Variants in OSBPL2 observed in about 807,000 individuals in gnomAD.
OSBPL2 encodes the protein oxysterol-binding protein-related protein 2.
OSBPL2 carries 18 observed loss-of-function variants against 58.4 expected under a neutral mutation model. That is an observed-to-expected ratio of 0.31 (90% CI 0.21 to 0.46). OSBPL2 has a LOEUF of 0.46. Among genes scored for constraint, OSBPL2 ranks in the 20% least tolerant of loss-of-function variants. The pLI is 1.00. For synonymous variants in OSBPL2, 221 were observed against 234.1 expected (o/e 0.94, Z 0.51); for missense variants, 461 against 616.5 (o/e 0.75, Z 2.67).
At chr20:62,282,334 G>T (rs1365570650) in intron 9 of OSBPL2, among the ~76,000 whole-genome samples, 1 of 152,168 alleles carries the variant, frequency 6.6e-6, no homozygotes, top group Non-Finnish European at 1.5e-5. Flanking sequence ...TTAAATCAGG[G>T]ACTTTCGCAA....
intron 1 of OSBPL2, among the ~76,000 whole-genome samples, chr20:62,248,938 A>G (rs974202935): frequency 2.0e-5 from 3 of 152,094 alleles, no homozygotes; most frequent in Non-Finnish European, 2.9e-5. Context: ...GGCTCAAGCC[A>G]TCTGCCACCT....
At chr20:62,241,535 T>C (rs118180886) in intron 1 of OSBPL2, among the ~76,000 whole-genome samples, 7,178 of 152,378 alleles carry the variant, frequency 0.047, 310 homozygotes, top group South Asian at 0.16. Context: ...AATGTCCCCA[T>C]GCAAGCCATG....
chr20:62,275,000 A>G (rs1008483615), intron 6 of OSBPL2, among the ~76,000 whole-genome samples: 1 of 152,198 alleles, frequency 6.6e-6, no homozygotes, highest in African/African-American at 2.4e-5. Flanking sequence ...AGTGCTCTTT[A>G]TAGAAAATGT....
intron 12 of OSBPL2, among the ~76,000 whole-genome samples, chr20:62,289,820 G>A (rs1983372991): frequency 1.3e-5 from 2 of 152,004 alleles, no homozygotes; most frequent in South Asian, 2.1e-4. Flanking sequence ...CATGAGAATC[G>A]CTTGTACCCA....
intron 13 of OSBPL2, among the ~76,000 whole-genome samples, chr20:62,293,158 C>T (rs888475762): frequency 8.0e-5 from 12 of 150,442 alleles, no homozygotes; most frequent in African/African-American, 1.9e-4. Context: ...CCACCGCGCC[C>T]GGCCTGTTCA....
intron 4 of OSBPL2, 42 bp from the exon 5 acceptor site, chr20:62,272,083 A>G: frequency 6.2e-7 from 1 of 1,610,280 alleles, no homozygotes; most frequent in Non-Finnish European, 8.5e-7. Context: ...CAGCGGTGTC[A>G]GGAAGGCAGC....
At chr20:62,242,763 A>G (rs1214058421) in intron 1 of OSBPL2, 1 of 152,328 alleles carries the variant, frequency 6.6e-6, no homozygotes, top group South Asian at 2.1e-4. Flanking sequence ...GGCTGAGCAG[A>G]CACTGAGCAC....
chr20:62,256,418 C>G (rs867525082), intron 2 of OSBPL2, among the ~76,000 whole-genome samples, 197 bp downstream of exon 2: 5 of 152,292 alleles, frequency 3.3e-5, no homozygotes, highest in Middle Eastern at 3.4e-3. Context: ...CTTTGGCTGA[C>G]AGGGTTTAAG....
At chr20:62,272,525 C>T (rs546899109) in intron 5 of OSBPL2, among the ~76,000 whole-genome samples, 2 of 152,352 alleles carry the variant, frequency 1.3e-5, no homozygotes, top group South Asian at 4.1e-4. Context: ...CCTCTTGGAG[C>T]TGAAGGTGGC....
At chr20:62,240,388 C>A (rs772766163) in intron 1 of OSBPL2, among the ~76,000 whole-genome samples, 1 of 152,168 alleles carries the variant, frequency 6.6e-6, no homozygotes, top group Non-Finnish European at 1.5e-5. Flanking sequence ...AGCTCTTACC[C>A]CAGCAGACGA....
intron 4 of OSBPL2, among the ~76,000 whole-genome samples, chr20:62,264,135 C>CTTATCTTA (rs1301782113): frequency 2.0e-5 from 3 of 150,498 alleles, no homozygotes; most frequent in Non-Finnish European, 4.4e-5. Context: ...GACAATAAAA[C>CTTATCTTA]AGGAAAAGAA....
intron 4 of OSBPL2, among the ~76,000 whole-genome samples, chr20:62,267,102 G>A (rs561619890): frequency 6.6e-6 from 1 of 152,318 alleles, no homozygotes; most frequent in African/African-American, 2.4e-5. Flanking sequence ...AGAATTAGCC[G>A]GGCATGGTGG....
At chr20:62,252,286 C>T (rs578249610) in intron 1 of OSBPL2, among the ~76,000 whole-genome samples, 12 of 152,218 alleles carry the variant, frequency 7.9e-5, no homozygotes, top group East Asian at 1.9e-4. Context: ...CATGTGCACC[C>T]GTGAAAACAT....
At chr20:62,272,317 C>T (rs541298505) in intron 5 of OSBPL2, 58 bp downstream of exon 5, 9 of 1,586,936 alleles carry the variant, frequency 5.7e-6, no homozygotes, top group South Asian at 4.5e-5. Flanking sequence ...CCTTGCATGT[C>T]TGGCCACACA....
chr20:62,250,041 C>T (rs550664131), intron 1 of OSBPL2, among the ~76,000 whole-genome samples: 1 of 152,372 alleles, frequency 6.6e-6, no homozygotes, highest in South Asian at 2.1e-4. Flanking sequence ...CTGAGCTCAG[C>T]TCCAGGGTTG....
rs538216379 is a variant in OSBPL2 at position 62,239,785 on chromosome 20, G to C, written c.-129+1188G>C. ...ACTCGTGCCCATGGCCTCTTTTCTG[G>C]CTGTCAGCCTCAACTCCTTCATCCG... On this transcript the variant is annotated intron_variant, in intron 1 of 13. Coordinates refer to ENST00000313733, the MANE Select transcript of OSBPL2 (RefSeq NM_144498.4). Among the ~76,000 whole-genome samples the C allele has an allele frequency of 3.9e-5, 6 of 152,304 alleles. No homozygotes were observed. In the Middle Eastern group the frequency reaches 0.01, roughly 259 times the overall value.
In OSBPL2 at chr20:62,243,805, A is replaced by G. The variant is rs192852920; in HGVS notation, c.-129+5208A>G. ...AATAATGTGGGTCATTATTCTGGGGAAAAAAATGAACGAAAAATTTTTTTT... is the reference window on the plus strand; with the variant it reads ...AATAATGTGGGTCATTATTCTGGGGGAAAAAATGAACGAAAAATTTTTTTT... On this transcript the variant is annotated intron_variant, in intron 1 of 13. Transcript: ENST00000313733. Among the ~76,000 whole-genome samples the G allele has an allele frequency of 2.1e-3, 318 of 149,720 alleles. 2 individuals are homozygous for G. Among genetic ancestry groups the G allele is most frequent in the African/African-American group, 7.0e-3 (277 of 39,474 alleles).
chr20:62,281,685 C>A, intron 8 of OSBPL2, 105 bp from the exon 9 acceptor site: 1 of 781,076 alleles, frequency 1.3e-6, no homozygotes, highest in Non-Finnish European at 2.3e-6. Context: ...TGCAGTCACC[C>A]CCCGCCTGCC....
chr20:62,249,252 A>C (rs903422551), intron 1 of OSBPL2, among the ~76,000 whole-genome samples: 2 of 152,178 alleles, frequency 1.3e-5, no homozygotes, highest in Admixed American at 6.5e-5. Context: ...GGAGAAGGAC[A>C]AAGGGCAAGA....
Sources: allele counts gnomAD v4.1 joint callset (sites outside exome capture counted in the v4.1 genomes callset), GRCh38; gene constraint gnomAD v4.1.1; transcripts MANE v1.5; gene names NCBI Gene and HGNC (gene_info 2026-07-23, HGNC 2026-07-21).